CTNNA3: variants seen among roughly 807,000 people sequenced by gnomAD.
The protein encoded by CTNNA3 is catenin alpha 3.
CTNNA3 carries 76 observed loss-of-function variants against 95.7 expected under a neutral mutation model. That is an observed-to-expected ratio of 0.79 (90% CI 0.66 to 0.96). CTNNA3 has a LOEUF of 0.96. CTNNA3 is among the 40% of genes least tolerant of loss of function. The probability of loss-of-function intolerance (pLI) is 0.00; values close to 1 mark genes in which losing one functional copy is unlikely to be tolerated. For synonymous variants in CTNNA3, 431 were observed against 374.4 expected (o/e 1.15, Z -1.74); for missense variants, 1,191 against 1,089.8 (o/e 1.09, Z -1.31).
chr10:65,955,725 C>T (rs143850157), intron 17 of CTNNA3, among the ~76,000 whole-genome samples: 85 of 152,086 alleles, frequency 5.6e-4, no homozygotes, highest in African/African-American at 1.9e-3. Flanking sequence ...GCGTTTCATC[C>T]CAGGGATGAA....
intron 6 of CTNNA3, among the ~76,000 whole-genome samples, chr10:67,187,068 A>G (rs1397968878): frequency 6.6e-6 from 1 of 152,074 alleles, no homozygotes; most frequent in Admixed American, 6.6e-5. Flanking sequence ...TAATAAATTT[A>G]TTCCTTATTT....
At chr10:67,688,817 G>C (rs1297416523) in intron 1 of CTNNA3, among the ~76,000 whole-genome samples, 1 of 152,138 alleles carries the variant, frequency 6.6e-6, no homozygotes, top group Admixed American at 6.5e-5. Flanking sequence ...TGCACTTACT[G>C]ATGCAGCAAC....
intron 10 of CTNNA3, among the ~76,000 whole-genome samples, chr10:66,589,184 G>A (rs1290639955): frequency 2.0e-5 from 3 of 151,932 alleles, no homozygotes; most frequent in East Asian, 3.9e-4. Flanking sequence ...GGCTTCCAGT[G>A]ATTCTTAGGT....
chr10:66,450,834 A>T (rs2093458725), intron 11 of CTNNA3, among the ~76,000 whole-genome samples: 1 of 152,152 alleles, frequency 6.6e-6, no homozygotes, highest in Non-Finnish European at 1.5e-5. Context: ...ATTTCTGATT[A>T]ACCCAATTAC....
At position 66,354,916 on chromosome 10, in the gene CTNNA3, A is replaced by G. The variant is rs371602672; in HGVS notation, c.1732+24236T>C. On this transcript the variant is annotated intron_variant, in intron 12 of 17. Transcript: ENST00000433211. ...TGTATAAAAATGTTAGTTCTAGTGT[A>G]CTGGGATTCAAAGGATCATCATGAT... 1.7e-3 allele frequency among the ~76,000 whole-genome samples: 243 copies of G among 141,126 alleles called. 4 individuals are homozygous for G. The South Asian group carries it at 0.027, about 16-fold the overall frequency. The allele number at this position is 141,126 out of a possible 152,430, so 92.6% of individuals were successfully genotyped here.
rs1043149404 is a variant in CTNNA3, at chr10:67,744,033, C to T, written c.-2+19401G>A. 2.0e-5 allele frequency among the ~76,000 whole-genome samples: 3 copies of T among 151,340 alleles called. No homozygotes were observed. In the South Asian group the frequency reaches 6.4e-4, roughly 32 times the overall value. On this transcript the variant is annotated intron_variant, in intron 1 of 17. Transcript: ENST00000684154. ...CAAACAAATGGAAGAACATTCCATG[C>T]TCATGGATAGGAAGAATCAATACCA...
chr10:66,798,752 T>C (rs894939337), intron 7 of CTNNA3, among the ~76,000 whole-genome samples: 10 of 151,770 alleles, frequency 6.6e-5, no homozygotes, highest in Middle Eastern at 3.4e-3. Context: ...CTTTTCACCA[T>C]GTACGTTACC....
intron 15 of CTNNA3, among the ~76,000 whole-genome samples, chr10:66,019,887 A>T (rs2079168202): frequency 6.6e-6 from 1 of 152,154 alleles, no homozygotes; most frequent in Non-Finnish European, 1.5e-5. Flanking sequence ...TGTTTCCTCT[A>T]TTTTATCGCT....
At chr10:66,253,638 T>C (rs559743637) in intron 13 of CTNNA3, among the ~76,000 whole-genome samples, 1 of 152,342 alleles carries the variant, frequency 6.6e-6, no homozygotes, top group African/African-American at 2.4e-5. Flanking sequence ...CTATGAAGGT[T>C]TCTTTCACAA....
chr10:67,171,399 AC>A (rs1486197200), intron 7 of CTNNA3, among the ~76,000 whole-genome samples: 1 of 151,860 alleles, frequency 6.6e-6, no homozygotes, highest in African/African-American at 2.4e-5. Flanking sequence ...ACATGGAGAA[AC>A]CCCGTTTCTA....
At chr10:67,045,796 T>C (rs1217072225) in intron 7 of CTNNA3, among the ~76,000 whole-genome samples, 1 of 152,178 alleles carries the variant, frequency 6.6e-6, no homozygotes, top group African/African-American at 2.4e-5. Flanking sequence ...TGAATTACTC[T>C]ATACCACATT....
intron 7 of CTNNA3, among the ~76,000 whole-genome samples, chr10:67,089,175 G>A (rs975384492): frequency 6.6e-6 from 1 of 151,968 alleles, no homozygotes; most frequent in Non-Finnish European, 1.5e-5. Context: ...GATACTGAGG[G>A]AGGACTGTAC....
intron 10 of CTNNA3, among the ~76,000 whole-genome samples, chr10:66,528,531 C>T (rs1408902923): frequency 2.0e-5 from 3 of 152,106 alleles, no homozygotes; most frequent in Admixed American, 6.6e-5. Context: ...ATAAGAGACT[C>T]TAGAAATGTG....
Position 67,172,739 on chromosome 10 carries a change from C to T in CTNNA3, c.1047+7578G>A, listed in dbSNP as rs1003384100. Among the ~76,000 whole-genome samples, 8 of 151,894 alleles carry T rather than the reference C, an allele frequency of 5.3e-5. No individual in the cohort carries two copies. The East Asian group carries it at 5.8e-4, about 11-fold the overall frequency. On this transcript the variant is annotated intron_variant, in intron 7 of 17. Coordinates refer to ENST00000433211, the MANE Select transcript of CTNNA3 (RefSeq NM_013266.4). The stretch of plus-strand genomic sequence containing the variant: ...CTGTAATCCCAGCACTTTGGGAGGC[C>T]GAGGCAGGCAGATCATCTGAGGTCA...
At chr10:67,229,972 T>C (rs1353700342) in intron 5 of CTNNA3, among the ~76,000 whole-genome samples, 1 of 151,998 alleles carries the variant, frequency 6.6e-6, no homozygotes, top group Non-Finnish European at 1.5e-5. Context: ...AAAAAGCAAT[T>C]CTAAAATTCA....
intron 10 of CTNNA3, among the ~76,000 whole-genome samples, chr10:66,575,228 A>G (rs1381133865): frequency 1.3e-5 from 2 of 152,090 alleles, no homozygotes; most frequent in Non-Finnish European, 2.9e-5. Flanking sequence ...TAGTTCTGTG[A>G]GGTAAATGTA....
intron 1 of CTNNA3, among the ~76,000 whole-genome samples, chr10:67,672,797 G>T (rs1294741409): frequency 1.3e-5 from 2 of 152,110 alleles, no homozygotes; most frequent in African/African-American, 4.8e-5. Flanking sequence ...GTAGTGTGAT[G>T]CCTCCAGCTT....
chr10:67,007,788 T>C (rs2133021891), intron 7 of CTNNA3, among the ~76,000 whole-genome samples: 1 of 151,962 alleles, frequency 6.6e-6, no homozygotes, highest in African/African-American at 2.4e-5. Context: ...GTTCAAAAAA[T>C]TGTCAAGTAA....
At chr10:66,118,603 T>A (rs889644582) in intron 13 of CTNNA3, among the ~76,000 whole-genome samples, 30 of 152,232 alleles carry the variant, frequency 2.0e-4, no homozygotes, top group Admixed American at 5.2e-4. Context: ...TAATTTAGTA[T>A]GTCAACAATG....
Sources: gnomAD v4.1 joint callset for allele counts (sites outside exome capture counted in the v4.1 genomes callset) on GRCh38, gnomAD v4.1.1 for gene constraint, MANE v1.5 for transcripts, NCBI Gene and HGNC (gene_info 2026-07-23, HGNC 2026-07-21) for gene names.